The following RFTN1 variants were observed in gnomAD, a reference collection of about 807,000 sequenced individuals.
RFTN1 encodes raftlin, lipid raft linker 1.
Under a neutral mutation model 46.5 loss-of-function variants are expected in RFTN1, and 26 were observed. The ratio of observed to expected loss-of-function variants is 0.56; its 90% CI spans 0.41 to 0.78. The LOEUF (loss-of-function observed/expected upper bound fraction) is 0.78. Ranked by LOEUF, RFTN1 falls within the 30% of genes least tolerant of loss-of-function variation. RFTN1 has a pLI of 0.00. For missense variants in RFTN1, 693 were observed against 718.7 expected (o/e 0.96, Z 0.41); for synonymous variants, 261 against 284.2 (o/e 0.92, Z 0.82).
At chr3:16,393,861 G>T (rs141897944) in intron 4 of RFTN1, among the ~76,000 whole-genome samples, 1 of 151,872 alleles carries the variant, frequency 6.6e-6, no homozygotes, top group Non-Finnish European at 1.5e-5. Context: ...GGGTTTCACC[G>T]TGTTAGCCAG....
chr3:16,371,100 G>A (rs1319296715), intron 5 of RFTN1: 2 of 152,200 alleles, frequency 1.3e-5, no homozygotes, highest in Non-Finnish European at 2.9e-5. Context: ...ATTTAGTCAA[G>A]CAATCAGTTG....
Position 16,381,426 on chromosome 3 carries a change from G to A in RFTN1, c.442-3324C>T, listed in dbSNP as rs776118777. Among the ~76,000 whole-genome samples the A allele has an allele frequency of 1.3e-5, 2 of 152,230 alleles. No individual in the cohort carries two copies. Among genetic ancestry groups the A allele is most frequent in the Admixed American group, 6.5e-5 (1 of 15,284 alleles). On this transcript the variant is annotated intron_variant, in intron 4 of 9. Transcript: ENST00000334133. This position sits in a 1 kb window ranked among gnomAD's most constrained non-coding sequence, Gnocchi z 4.2. ...ATGGTGATTATTTCTGCCTGAAGGG[G>A]AGGTTGAGAAAAGTTTCTCCGAGTA...
Position 16,317,148 on chromosome 3 carries a change from GTTGT to G in RFTN1, c.1413_1416del (p.Lys471AsnfsTer10). 1.2e-6 allele frequency: 2 copies of G among 1,613,572 alleles called. No homozygotes were observed. The highest frequency in any genetic ancestry group is 1.7e-6 in the Non-Finnish European group (2 of 1,179,942). On this transcript the variant is annotated frameshift_variant, in exon 10 of 10. Coordinates refer to ENST00000334133, the MANE Select transcript of RFTN1 (RefSeq NM_015150.2). LOFTEE classifies it low-confidence loss of function (END_TRUNC). The surrounding 1 kb of genome is among the most constrained non-coding windows in gnomAD (Gnocchi z 4.3). ...AAGTTCTTCTCATTTTCTTCTGCTT[GTTGT>G]TTGTCTCTGGCACTGAGTTTACCTT...
rs147630412 is a variant in RFTN1, at chr3:16,494,817, C to T, written c.-8-940G>A. The stretch of plus-strand genomic sequence containing the variant: ...AGGATAAACGATGCTTTCCTCCTCT[C>T]TGGGGTACCACTGCTGCCATCAGAA... On this transcript the variant is annotated intron_variant, in intron 1 of 9. Coordinates refer to ENST00000334133, the MANE Select transcript of RFTN1 (RefSeq NM_015150.2). Among the ~76,000 whole-genome samples the T allele has an allele frequency of 1.2e-3, 181 of 152,324 alleles. 1 individual carries two copies. The highest frequency in any genetic ancestry group is 2.1e-3 in the Non-Finnish European group (144 of 68,034).
intron 1 of RFTN1, among the ~76,000 whole-genome samples, chr3:16,503,767 C>T (rs1453310676): frequency 5.9e-5 from 9 of 152,206 alleles, no homozygotes; most frequent in African/African-American, 2.2e-4. Context: ...AGCACAGGCA[C>T]CTCCTACATT....
intron 2 of RFTN1, among the ~76,000 whole-genome samples, chr3:16,485,825 A>T (rs1487062371): frequency 1.3e-5 from 2 of 152,236 alleles, no homozygotes; most frequent in African/African-American, 2.4e-5. Flanking sequence ...CCTTCAGTGG[A>T]CTGGCAGTTG....
In RFTN1 at chr3:16,427,531, C is replaced by A. The variant is rs1416094402; in HGVS notation, c.332+6320G>T. On this transcript the variant is annotated intron_variant, in intron 3 of 9. Transcript: ENST00000334133. This position sits in a 1 kb window ranked among gnomAD's most constrained non-coding sequence, Gnocchi z 5.4. Reference sequence around the variant, plus strand: ...TTCAGTCATCTGTGTTGCTCGTAAGCACTTGGGAGTACAGCTTGCTGATAT... The same window carrying A: ...TTCAGTCATCTGTGTTGCTCGTAAGAACTTGGGAGTACAGCTTGCTGATAT... Among the ~76,000 whole-genome samples the A allele has an allele frequency of 6.6e-6, 1 of 152,196 alleles. No individual in the cohort carries two copies.
intron 3 of RFTN1, among the ~76,000 whole-genome samples, chr3:16,414,192 A>G (rs542009572): frequency 6.6e-6 from 1 of 152,190 alleles, no homozygotes; most frequent in South Asian, 2.1e-4. Flanking sequence ...AAGTGACAAA[A>G]CCTCTGCCTT....
At position 16,468,753 on chromosome 3, in the gene RFTN1, C is replaced by G. The variant is rs1236300208; in HGVS notation, c.145+24972G>C. On this transcript the variant is annotated intron_variant, in intron 2 of 9. Coordinates refer to ENST00000334133, the MANE Select transcript of RFTN1 (RefSeq NM_015150.2). The surrounding 1 kb of genome is among the most constrained non-coding windows in gnomAD (Gnocchi z 4.4). ...CAATTCAAGCTGAGCCAATTATCAC[C>G]AATCATAAAAGATGACTTATAAGAG... Among the ~76,000 whole-genome samples the G allele has an allele frequency of 6.6e-6, 1 of 152,078 alleles. No individual in the cohort carries two copies. Among genetic ancestry groups the G allele is most frequent in the Non-Finnish European group, 1.5e-5 (1 of 68,024 alleles).
intron 4 of RFTN1, 77 bp downstream of exon 4, chr3:16,409,298 C>T (rs980535108): frequency 4.0e-6 from 4 of 1,001,254 alleles, no homozygotes; most frequent in Non-Finnish European, 6.4e-6. Context: ...CTGATCTGTC[C>T]TAAGGCAGCT....
intron 5 of RFTN1, among the ~76,000 whole-genome samples, chr3:16,375,206 G>A (rs1439640806): frequency 1.3e-5 from 2 of 152,046 alleles, no homozygotes; most frequent in African/African-American, 4.8e-5. Context: ...GGGGTGCCTG[G>A]GGGGGCCCGT....
At chr3:16,492,365 A>G (rs1028390407) in intron 2 of RFTN1, among the ~76,000 whole-genome samples, 2 of 152,202 alleles carry the variant, frequency 1.3e-5, no homozygotes, top group African/African-American at 4.8e-5. Context: ...TGTATGCCAG[A>G]CATTGTGCTA....
At position 16,434,223 on chromosome 3, in the gene RFTN1, G is replaced by A. The variant is rs145022002; in HGVS notation, c.146-186C>T. Reference sequence around the variant, plus strand: ...CTGTCGTTTTCCAAATCACCCAAAGGCATTAATAATTGGATGTCGGCCAGG... The same window carrying A: ...CTGTCGTTTTCCAAATCACCCAAAGACATTAATAATTGGATGTCGGCCAGG... On this transcript the variant is annotated intron_variant, in intron 2 of 9. Transcript: ENST00000334133. Among the ~76,000 whole-genome samples, 37 of 152,182 alleles carry A rather than the reference G, an allele frequency of 2.4e-4. No individual in the cohort carries two copies. In the East Asian group the frequency reaches 6.8e-3, roughly 28 times the overall value.
At position 16,384,795 on chromosome 3, in the gene RFTN1, G is replaced by T. The variant is rs1456925680; in HGVS notation, c.442-6693C>A. Among the ~76,000 whole-genome samples, 1 of 152,072 alleles carries T rather than the reference G, an allele frequency of 6.6e-6. No individual in the cohort carries two copies. Among genetic ancestry groups the T allele is most frequent in the African/African-American group, 2.4e-5 (1 of 41,396 alleles). ...TAAAATTTAAATATTCCTCTCCTTA[G>T]TCACATGAGTCACATTTCAAGCACC... On this transcript the variant is annotated intron_variant, in intron 4 of 9. Transcript: ENST00000334133. The surrounding 1 kb of genome is among the most constrained non-coding windows in gnomAD (Gnocchi z 4.7).
rs192059175 is a variant in RFTN1, at chr3:16,382,219, G to C, written c.442-4117C>G. 3.3e-5 allele frequency among the ~76,000 whole-genome samples: 5 copies of C among 152,206 alleles called. No homozygotes were observed. In the East Asian group the frequency reaches 9.6e-4, roughly 29 times the overall value. On this transcript the variant is annotated intron_variant, in intron 4 of 9. Transcript: ENST00000334133. The surrounding 1 kb of genome is among the most constrained non-coding windows in gnomAD (Gnocchi z 4.7). ...AAGGCTTGGCAGAGGCTGCCAAGTT[G>C]TTTACCAAAAAGGGTGCGTAGTCCT... is the stretch of plus-strand genomic sequence containing the variant.
intron 5 of RFTN1, among the ~76,000 whole-genome samples, chr3:16,375,215 G>C (rs1451555708): frequency 6.6e-6 from 1 of 152,076 alleles, no homozygotes; most frequent in African/African-American, 2.4e-5. Context: ...GGGGGGGCCC[G>C]TGTGTGCCTG....
At chr3:16,411,360 G>A (rs1416188008) in intron 3 of RFTN1, among the ~76,000 whole-genome samples, 1 of 152,078 alleles carries the variant, frequency 6.6e-6, no homozygotes, top group East Asian at 1.9e-4. Flanking sequence ...ATTTAAAAGT[G>A]AAAAAAATGA....
intron 4 of RFTN1, among the ~76,000 whole-genome samples, chr3:16,389,566 G>A (rs531876983): frequency 6.6e-6 from 1 of 152,254 alleles, no homozygotes; most frequent in Admixed American, 6.5e-5. Context: ...TATCTTCAAT[G>A]TCCAATAACC....
rs548818721 is a variant in RFTN1 at position 16,466,194 on chromosome 3, C to T, written c.145+27531G>A. ...GTTTTCAGCCACTGTCTGCCTAGCA[C>T]GTCCTGCTCTTGCAACAAAGAACAC... On this transcript the variant is annotated intron_variant, in intron 2 of 9. Transcript: ENST00000334133. This position sits in a 1 kb window ranked among gnomAD's most constrained non-coding sequence, Gnocchi z 5.6. 1.1e-4 allele frequency among the ~76,000 whole-genome samples: 17 copies of T among 152,326 alleles called. No homozygotes were observed. Among genetic ancestry groups the T allele is most frequent in the African/African-American group, 3.8e-4 (16 of 41,570 alleles).
Sources: allele counts gnomAD v4.1 joint callset (sites outside exome capture counted in the v4.1 genomes callset), GRCh38; gene constraint gnomAD v4.1.1; non-coding constraint Gnocchi (gnomAD v3.1); transcripts MANE v1.5; gene names NCBI Gene and HGNC (gene_info 2026-07-23, HGNC 2026-07-21).